Variants in DIP2C observed in about 807,000 individuals in gnomAD.
DIP2C encodes disco-interacting protein 2 homolog C.
DIP2C carries 33 observed loss-of-function variants against 192.4 expected under a neutral mutation model. That is an observed-to-expected ratio of 0.17 (90% CI 0.13 to 0.23). The LOEUF (loss-of-function observed/expected upper bound fraction) is 0.23, where lower values mean the gene tolerates loss of function less well. DIP2C is among the 10% of genes least tolerant of loss of function. The pLI is 1.00. For missense variants in DIP2C, 1,537 were observed against 2,110.1 expected (o/e 0.73, Z 5.32); for synonymous variants, 979 against 864.1 (o/e 1.13, Z -2.33).
intron 3 of DIP2C, among the ~76,000 whole-genome samples, chr10:454,585 T>C (rs1029147580): frequency 1.7e-5 from 2 of 120,910 alleles, no homozygotes; most frequent in African/African-American, 1.2e-4. Context: ...ATGTCATTAT[T>C]GCAATGAGAT....
chr10:302,964 C>T (rs931171949), intron 32 of DIP2C, among the ~76,000 whole-genome samples: 2 of 151,728 alleles, frequency 1.3e-5, no homozygotes, highest in African/African-American at 2.4e-5. Flanking sequence ...GCTGTAGATT[C>T]GTAAACACCA....
intron 1 of DIP2C, among the ~76,000 whole-genome samples, chr10:674,018 A>G (rs989604623): frequency 2.0e-5 from 3 of 152,254 alleles, no homozygotes; most frequent in African/African-American, 7.2e-5. Flanking sequence ...ATAATCCATC[A>G]CTATCTTCAA....
chr10:480,696 G>A (rs560982317), intron 2 of DIP2C, among the ~76,000 whole-genome samples: 90 of 152,342 alleles, frequency 5.9e-4, no homozygotes, highest in Non-Finnish European at 1.1e-3. Context: ...CGCCTAAGAC[G>A]AGGAATGCGA....
chr10:396,355 C>T (rs968498597), intron 10 of DIP2C, among the ~76,000 whole-genome samples: 1 of 152,216 alleles, frequency 6.6e-6, no homozygotes, highest in Admixed American at 6.5e-5. Flanking sequence ...ACCACCTCCC[C>T]CCTTTATCCA....
rs199748613 is a variant in DIP2C, at chr10:360,624, CTTCCTGCTATTCGGGGGCAATA to C, written c.2794+1844_2794+1865del. 5.8e-4 allele frequency among the ~76,000 whole-genome samples: 88 copies of C among 152,356 alleles called. No individual in the cohort carries two copies. The East Asian group carries it at 7.7e-3, about 13-fold the overall frequency. On this transcript the variant is annotated intron_variant, in intron 22 of 36. Coordinates refer to ENST00000280886, the MANE Select transcript of DIP2C (RefSeq NM_014974.3). The stretch of plus-strand genomic sequence containing the variant: ...TGCCAGGCTCTGGCCTCAGCAGACT[CTTCCTGCTATTCGGGGGCAATA>C]TTCCCAGGGACCTTTAAAGCTGTGG...
chr10:442,147 AGT>A (rs1446300127), intron 3 of DIP2C, among the ~76,000 whole-genome samples: 3 of 152,204 alleles, frequency 2.0e-5, no homozygotes, highest in Non-Finnish European at 4.4e-5. Context: ...CAAAATGGCC[AGT>A]GTGAGTGAAG....
chr10:464,299 G>GA (rs1027653647), intron 3 of DIP2C, among the ~76,000 whole-genome samples: 1 of 150,136 alleles, frequency 6.7e-6, no homozygotes, highest in Admixed American at 6.7e-5. Context: ...AAATTTACAA[G>GA]AAAAAACAAC....
intron 3 of DIP2C, among the ~76,000 whole-genome samples, chr10:470,209 T>C (rs547012708): frequency 4.6e-5 from 7 of 152,268 alleles, no homozygotes; most frequent in East Asian, 3.9e-4. Context: ...CAGAGTATCA[T>C]GTGGTTATAA....
At chr10:599,585 G>A (rs771760532) in intron 1 of DIP2C, among the ~76,000 whole-genome samples, 90 of 152,090 alleles carry the variant, frequency 5.9e-4, no homozygotes, top group Non-Finnish European at 1.2e-3. Flanking sequence ...GGAAAATGAC[G>A]ACATGTTAAC....
chr10:619,935 G>A (rs1007338302), intron 1 of DIP2C, among the ~76,000 whole-genome samples: 4 of 152,184 alleles, frequency 2.6e-5, no homozygotes, highest in East Asian at 1.9e-4. Flanking sequence ...ACAGCTGCAC[G>A]TGGCAAGTGC....
At chr10:601,309 CAA>C (rs1852059882) in intron 1 of DIP2C, among the ~76,000 whole-genome samples, 1 of 152,212 alleles carries the variant, frequency 6.6e-6, no homozygotes, top group South Asian at 2.1e-4. Context: ...TTACAACACT[CAA>C]AATTTAAAAC....
At chr10:436,792 A>C (rs1967260270) in intron 4 of DIP2C, among the ~76,000 whole-genome samples, 1 of 127,658 alleles carries the variant, frequency 7.8e-6, no homozygotes, top group Non-Finnish European at 1.6e-5. Context: ...GCTCTCTCTG[A>C]GCTCCGCCTC....
intron 1 of DIP2C, chr10:650,065 C>A: frequency 1.4e-6 from 1 of 709,604 alleles, no homozygotes; most frequent in Non-Finnish European, 2.6e-6. Context: ...GAGCTGCCAG[C>A]AACCCAGTTC....
intron 11 of DIP2C, 136 bp downstream of exon 11, chr10:390,604 C>A: frequency 1.4e-6 from 2 of 1,418,606 alleles, no homozygotes; most frequent in South Asian, 1.4e-5. Flanking sequence ...GGGACGAGAA[C>A]GCGTGAAAAC....
At chr10:359,457 C>T (rs1408663717) in intron 22 of DIP2C, among the ~76,000 whole-genome samples, 3 of 152,154 alleles carry the variant, frequency 2.0e-5, no homozygotes, top group Admixed American at 6.5e-5. Context: ...GTAGGAGCCT[C>T]GAGTCTGGAC....
intron 1 of DIP2C, among the ~76,000 whole-genome samples, chr10:527,153 A>G (rs1182523852): frequency 1.3e-5 from 2 of 152,228 alleles, no homozygotes; most frequent in Non-Finnish European, 1.5e-5. Flanking sequence ...CACCCGGTTC[A>G]TAACTCAGCT....
chr10:438,102 T>C (rs989381872), intron 4 of DIP2C, among the ~76,000 whole-genome samples: 2 of 152,270 alleles, frequency 1.3e-5, no homozygotes, highest in African/African-American at 4.8e-5. Context: ...TTATGGTTTA[T>C]ATAAAAATGC....
At chr10:530,944 C>T (rs1026480413) in intron 1 of DIP2C, among the ~76,000 whole-genome samples, 2 of 152,148 alleles carry the variant, frequency 1.3e-5, no homozygotes, top group African/African-American at 2.4e-5. Flanking sequence ...GGCAGACTCC[C>T]GATGCCGGCC....
chr10:340,416 T>C (rs1458281564), intron 29 of DIP2C, among the ~76,000 whole-genome samples: 1 of 152,052 alleles, frequency 6.6e-6, no homozygotes, highest in African/African-American at 2.4e-5. Flanking sequence ...AATGTGAAGC[T>C]GGATGATGGT....
Sources: gnomAD v4.1 joint callset for allele counts (sites outside exome capture counted in the v4.1 genomes callset) on GRCh38, gnomAD v4.1.1 for gene constraint, MANE v1.5 for transcripts, NCBI Gene and HGNC (gene_info 2026-07-23, HGNC 2026-07-21) for gene names.